Variants in MYT1L observed in about 807,000 individuals in gnomAD.
MYT1L encodes myelin transcription factor 1 like.
Under a neutral mutation model 126.7 loss-of-function variants are expected in MYT1L, and 12 were observed. The ratio of observed to expected loss-of-function variants is 0.09; its 90% CI spans 0.06 to 0.15. The LOEUF (loss-of-function observed/expected upper bound fraction) is 0.15. Among genes scored for constraint, MYT1L ranks in the 10% least tolerant of loss-of-function variants. The probability of loss-of-function intolerance (pLI) is 1.00; values close to 1 mark genes in which losing one functional copy is unlikely to be tolerated. For missense variants in MYT1L, 979 were observed against 1,585.2 expected, an observed-to-expected ratio of 0.62 and a Z score of 6.49; for synonymous variants, 541 against 604.2, an observed-to-expected ratio of 0.90 and a Z score of 1.53.
intron 1 of MYT1L, among the ~76,000 whole-genome samples, chr2:2,323,184 A>G (rs769004646): frequency 2.0e-5 from 3 of 152,194 alleles, no homozygotes; most frequent in Non-Finnish European, 2.9e-5. Flanking sequence ...TAGATTCATT[A>G]AAGGTGGTTT....
At chr2:2,325,990 A>C (rs868749759) in intron 1 of MYT1L, 2 of 152,270 alleles carry the variant, frequency 1.3e-5, no homozygotes, top group African/African-American at 4.8e-5. Flanking sequence ...CAAATTAAGA[A>C]AAAAAGAAAT....
chr2:2,092,793 G>C (rs1575111003), intron 3 of MYT1L, among the ~76,000 whole-genome samples: 1 of 152,144 alleles, frequency 6.6e-6, no homozygotes, highest in Non-Finnish European at 1.5e-5. Context: ...ACTGCACTTG[G>C]GGGCTGTTGT....
Position 1,817,408 on chromosome 2 carries a change from C to T in MYT1L, c.3081-8241G>A, listed in dbSNP as rs894190216. ...AGCACCGGCTTTGCCCACAGTCTCA[C>T]GCTGCTTCTCTTCACTCTCAGTTAA... On this transcript the variant is annotated intron_variant, in intron 21 of 24. Coordinates refer to ENST00000647738, the MANE Select transcript of MYT1L (RefSeq NM_001303052.2). 2.3e-4 allele frequency among the ~76,000 whole-genome samples: 35 copies of T among 152,324 alleles called. 1 individual carries two copies. Among genetic ancestry groups the T allele is most frequent in the Admixed American group, 6.5e-4 (10 of 15,312 alleles).
chr2:1,917,400 A>G lies in MYT1L; in HGVS notation c.1484-61T>C. On this transcript the variant is annotated intron_variant, in intron 10 of 24. Transcript: ENST00000647738. The surrounding 1 kb of genome is among the most constrained non-coding windows in gnomAD (Gnocchi z 5.9). ...TTACCAATCAAAGACAAATGTGATTATTTCACAATCTGAAGAAACCTTGCT... is the reference window on the plus strand; with the variant it reads ...TTACCAATCAAAGACAAATGTGATTGTTTCACAATCTGAAGAAACCTTGCT... The G allele has an allele frequency of 5.2e-6, 8 of 1,535,000 alleles. No homozygotes were observed. The highest frequency in any genetic ancestry group is 7.1e-6 in the Non-Finnish European group (8 of 1,130,524).
chr2:1,948,458 A>G (rs1161058957), intron 8 of MYT1L, among the ~76,000 whole-genome samples: 1 of 151,958 alleles, frequency 6.6e-6, no homozygotes, highest in Non-Finnish European at 1.5e-5. Context: ...TCTGTGTTCA[A>G]CTCCACGTGG....
At chr2:1,836,967 A>G (rs2040988610) in intron 21 of MYT1L, among the ~76,000 whole-genome samples, 2 of 152,204 alleles carry the variant, frequency 1.3e-5, no homozygotes, top group South Asian at 4.1e-4. Flanking sequence ...TGAGGCTGGC[A>G]AGAGAGTAGA....
chr2:2,173,447 T>C (rs1404258006), intron 2 of MYT1L, among the ~76,000 whole-genome samples: 1 of 152,240 alleles, frequency 6.6e-6, no homozygotes, highest in African/African-American at 2.4e-5. Context: ...ACAAGGCCAC[T>C]TCCAAATGTC....
At chr2:1,843,756 G>A (rs979900586) in intron 19 of MYT1L, among the ~76,000 whole-genome samples, 1 of 152,184 alleles carries the variant, frequency 6.6e-6, no homozygotes, top group Non-Finnish European at 1.5e-5. Context: ...CACAGAGGCC[G>A]AGCTCCTGTA....
intron 3 of MYT1L, among the ~76,000 whole-genome samples, chr2:2,140,431 T>C (rs568326849): frequency 2.1e-5 from 3 of 146,018 alleles, no homozygotes; most frequent in African/African-American, 7.7e-5. Flanking sequence ...TCTTTCTTTT[T>C]CTTTTTTTTT....
chr2:2,317,394 T>C (rs1386494042), intron 1 of MYT1L, among the ~76,000 whole-genome samples: 1 of 152,078 alleles, frequency 6.6e-6, no homozygotes, highest in Non-Finnish European at 1.5e-5. Flanking sequence ...AAACACGCAG[T>C]CAGCAAGTGT....
chr2:2,124,272 G>A (rs1038721982), intron 3 of MYT1L, among the ~76,000 whole-genome samples: 9 of 152,072 alleles, frequency 5.9e-5, no homozygotes, highest in South Asian at 2.1e-4. Context: ...AGGGATAGGC[G>A]AATATTACAA....
intron 21 of MYT1L, among the ~76,000 whole-genome samples, chr2:1,832,546 C>T (rs571379100): frequency 9.1e-4 from 138 of 152,332 alleles, no homozygotes; most frequent in African/African-American, 3.1e-3. Context: ...CCTAAACAGT[C>T]CTCTAATCTG....
At chr2:1,940,013 C>G (rs1187581109) in intron 9 of MYT1L, among the ~76,000 whole-genome samples, 1 of 152,252 alleles carries the variant, frequency 6.6e-6, no homozygotes, top group African/African-American at 2.4e-5. Context: ...GCAATGGAAA[C>G]CTGGTGGAAG....
At chr2:2,014,722 G>A (rs2064196587) in intron 4 of MYT1L, among the ~76,000 whole-genome samples, 2 of 152,240 alleles carry the variant, frequency 1.3e-5, no homozygotes, top group Admixed American at 1.3e-4. Context: ...GCCAAGAATG[G>A]CCAGCAAGGC....
chr2:2,146,586 G>A (rs2084910350), intron 3 of MYT1L, among the ~76,000 whole-genome samples: 1 of 152,190 alleles, frequency 6.6e-6, no homozygotes, highest in Admixed American at 6.5e-5. Flanking sequence ...AACCTAAAAT[G>A]CCAAGCTGCT....
At chr2:2,051,948 T>C (rs1222113086) in intron 4 of MYT1L, among the ~76,000 whole-genome samples, 2 of 152,060 alleles carry the variant, frequency 1.3e-5, no homozygotes, top group Non-Finnish European at 2.9e-5. Context: ...AAAATAAATA[T>C]ATTGCAAGAT....
At chr2:1,988,200 G>A (rs1000689193) in intron 5 of MYT1L, among the ~76,000 whole-genome samples, 21 of 151,876 alleles carry the variant, frequency 1.4e-4, no homozygotes, top group Non-Finnish European at 2.8e-4. Context: ...GGGTGGAAAC[G>A]GTGCCACATT....
intron 3 of MYT1L, among the ~76,000 whole-genome samples, chr2:2,064,584 G>T (rs1185492408): frequency 6.6e-6 from 1 of 151,724 alleles, no homozygotes; most frequent in Non-Finnish European, 1.5e-5. Context: ...ATTGCTCAGG[G>T]AGTTTTTTGT....
chr2:2,221,151 G>A (rs1182421837), intron 2 of MYT1L, among the ~76,000 whole-genome samples: 2 of 152,134 alleles, frequency 1.3e-5, no homozygotes, highest in Non-Finnish European at 2.9e-5. Context: ...TGGGGGCTTT[G>A]AAAGGTTTGG....
Sources: allele counts gnomAD v4.1 joint callset (sites outside exome capture counted in the v4.1 genomes callset), GRCh38; gene constraint gnomAD v4.1.1; non-coding constraint Gnocchi (gnomAD v3.1); transcripts MANE v1.5; gene names NCBI Gene and HGNC (gene_info 2026-07-23, HGNC 2026-07-21).